The following ZSWIM4 variants were observed in gnomAD, a reference collection of about 807,000 sequenced individuals.
ZSWIM4 encodes the protein zinc finger SWIM domain-containing protein 4.
Under a neutral mutation model 102.5 loss-of-function variants are expected in ZSWIM4, and 62 were observed. That is an observed-to-expected ratio of 0.60 (90% confidence interval 0.49 to 0.75). The LOEUF is 0.75. Among genes scored for constraint, ZSWIM4 ranks in the 30% least tolerant of loss-of-function variants. ZSWIM4 has a pLI of 0.00. For synonymous variants in ZSWIM4, 652 were observed against 674.5 expected (o/e 0.97, Z 0.52); for missense variants, 1,280 against 1,529.6 (o/e 0.84, Z 2.72).
chr19:13,812,896 A>G, intron 5 of ZSWIM4, 101 bp from the exon 6 acceptor site: 1 of 1,307,718 alleles, frequency 7.6e-7, no homozygotes, highest in Non-Finnish European at 1.1e-6. Flanking sequence ...GGTCGAGGTG[A>G]GGGGTTAGCA....
At chr19:13,828,175 G>T (rs979688279) in intron 12 of ZSWIM4, among the ~76,000 whole-genome samples, 1 of 152,164 alleles carries the variant, frequency 6.6e-6, no homozygotes, top group South Asian at 2.1e-4. Context: ...TTGAGAGGCT[G>T]AGGCGGGCGG....
rs544576033 is a variant in ZSWIM4 at position 13,817,157 on chromosome 19, C to T, written c.1532-59C>T. ...TGGCAGGTCAAGAAGAGGAATATCC[C>T]TCCCTCCTAGAGACTTGGGCAGGTG... On this transcript the variant is annotated intron_variant, in intron 7 of 13. Transcript: ENST00000590508. 6.8e-5 allele frequency: 105 copies of T among 1,547,040 alleles called. No homozygotes were observed. The African/African-American group carries it at 1.3e-3, about 19-fold the overall frequency.
intron 3 of ZSWIM4, 89 bp from the exon 4 acceptor site, chr19:13,808,747 A>C: frequency 7.6e-7 from 1 of 1,309,122 alleles, no homozygotes; most frequent in African/African-American, 1.5e-5. Context: ...CTCCAAAAAA[A>C]AAAAAAAAAA....
chr19:13,801,973 ATTTTT>A (rs543183681), intron 2 of ZSWIM4, among the ~76,000 whole-genome samples: 11 of 94,198 alleles, frequency 1.2e-4, no homozygotes, highest in East Asian at 3.1e-4. Context: ...CCAGCTTAGA[ATTTTT>A]TTTTTTTTTT....
intron 6 of ZSWIM4, among the ~76,000 whole-genome samples, chr19:13,814,060 CTTT>C (rs869279797): frequency 6.5e-5 from 9 of 138,126 alleles, no homozygotes; most frequent in Non-Finnish European, 4.7e-5. Context: ...TACACGCATC[CTTT>C]TTTTTTTTTT....
At position 13,830,538 on chromosome 19, in the gene ZSWIM4, C is replaced by T. The variant is rs748315938; in HGVS notation, c.2809C>T (p.Arg937Trp). Residue 937 changes from arginine to tryptophan, a missense_variant, in exon 14 of 14, where the codon CGG (arginine) becomes TGG (tryptophan). Coordinates refer to ENST00000590508, the MANE Select transcript of ZSWIM4 (RefSeq NM_001367834.3). The part of the protein sequence containing the change: ...RYMEHRGLPL[R>W]AYKLATLALA... ...TATGGAGCACCGCGGGCTGCCGCTCCGGGCCTACAAGCTGGCGACGCTGGC... is the reference window on the plus strand; with the variant it reads ...TATGGAGCACCGCGGGCTGCCGCTCTGGGCCTACAAGCTGGCGACGCTGGC... The T allele has an allele frequency of 3.8e-6, 6 of 1,599,460 alleles. No individual in the cohort carries two copies. The East Asian group carries it at 8.9e-5, about 24-fold the overall frequency.
Position 13,809,468 on chromosome 19 carries a change from T to C in ZSWIM4, c.1012+248T>C, listed in dbSNP as rs1250749857. On this transcript the variant is annotated intron_variant, in intron 5 of 13. Transcript: ENST00000590508. This position sits in a 1 kb window ranked among gnomAD's most constrained non-coding sequence, Gnocchi z 4.2. ...CAATCAAATGTCATTGGCCCAGGGG[T>C]TGATACACACGTACACACGTTTTCT... Among the ~76,000 whole-genome samples the C allele has an allele frequency of 6.6e-6, 1 of 152,136 alleles. No individual in the cohort carries two copies. Among genetic ancestry groups the C allele is most frequent in the Non-Finnish European group, 1.5e-5 (1 of 68,026 alleles).
At chr19:13,826,410 G>T (rs1170970168) in intron 12 of ZSWIM4, among the ~76,000 whole-genome samples, 1 of 152,080 alleles carries the variant, frequency 6.6e-6, no homozygotes, top group East Asian at 1.9e-4. Context: ...ACCACTGAAG[G>T]GCTGGCCTGG....
chr19:13,804,065 T>C (rs369775850), intron 2 of ZSWIM4, among the ~76,000 whole-genome samples: 2 of 151,018 alleles, frequency 1.3e-5, no homozygotes, highest in East Asian at 4.2e-4. Flanking sequence ...GGTTTCACCA[T>C]GTTGGCCATG....
intron 1 of ZSWIM4, among the ~76,000 whole-genome samples, chr19:13,797,530 C>A (rs1361205898): frequency 6.6e-6 from 1 of 152,186 alleles, no homozygotes; most frequent in Non-Finnish European, 1.5e-5. Flanking sequence ...CAAGGGTGTT[C>A]AATCTTTTAG....
In ZSWIM4 at chr19:13,828,719, A is replaced by G. The variant is rs373509263; in HGVS notation, c.2454A>G (p.Thr818=). 2.2e-5 allele frequency: 36 copies of G among 1,614,162 alleles called. No individual in the cohort carries two copies. The African/African-American group carries it at 2.9e-4, about 13-fold the overall frequency. ...TGCGCTGGCTGGTCAGCTGTGCCAC[A>G]GAGATTGGTGAGAGCCCCTAAGGGG... The part of the protein sequence containing the change: ...EMVRWLVSCA[T]EIGPQALMNI... The change falls in exon 13 of 14, where the codon ACA becomes ACG. Residue 818 remains threonine (T), a synonymous_variant. Coordinates refer to ENST00000590508, the MANE Select transcript of ZSWIM4 (RefSeq NM_001367834.3).
At chr19:13,818,949 C>G (rs957739528) in intron 9 of ZSWIM4, among the ~76,000 whole-genome samples, 4 of 149,120 alleles carry the variant, frequency 2.7e-5, no homozygotes, top group Non-Finnish European at 4.4e-5. Context: ...CTGCACCCTC[C>G]GATCCCGGGT....
chr19:13,804,437 T>C (rs1974856497), intron 2 of ZSWIM4, among the ~76,000 whole-genome samples: 1 of 151,546 alleles, frequency 6.6e-6, no homozygotes, highest in Non-Finnish European at 1.5e-5. Flanking sequence ...ACCATTGCAC[T>C]CCTGCCTGGG....
intron 10 of ZSWIM4, among the ~76,000 whole-genome samples, chr19:13,820,387 C>T (rs1328899751): frequency 6.6e-6 from 1 of 151,878 alleles, no homozygotes; most frequent in Non-Finnish European, 1.5e-5. Flanking sequence ...AGGCGTGCAC[C>T]ACCGCACTGG....
chr19:13,828,847 TC>T, intron 13 of ZSWIM4, 121 bp downstream of exon 13: 1 of 919,888 alleles, frequency 1.1e-6, no homozygotes, highest in Non-Finnish European at 1.7e-6. Flanking sequence ...ACACCTGTAA[TC>T]CCAGCACTTT....
rs927275565 is a variant in ZSWIM4 at position 13,805,094 on chromosome 19, C to T, written c.658C>T (p.Gln220Ter). ...TCACACTGAGGTGCTGCCCACTGCT[C>T]AGCGCTTGGCTGATGAGATCCTCCT... ...AHHTEVLPTAQRLADEILLLG... is the reference protein window; with the variant it reads ...AHHTEVLPTA Residue 220 changes from glutamine (Q) to a stop codon, truncating the protein, a stop_gained, in exon 3 of 14, where the codon CAG (glutamine) becomes TAG (stop). Coordinates refer to ENST00000590508, the MANE Select transcript of ZSWIM4 (RefSeq NM_001367834.3). LOFTEE classifies it high-confidence loss of function. 6.2e-7 allele frequency: 1 copy of T among 1,604,596 alleles called. No homozygotes were observed.
In ZSWIM4 at chr19:13,808,956, G is replaced by A. The variant is rs761573896; in HGVS notation, c.833G>A (p.Ser278Asn). 1 of 1,609,776 alleles carries A rather than the reference G, an allele frequency of 6.2e-7. No individual in the cohort carries two copies. Among genetic ancestry groups the A allele is most frequent in the Non-Finnish European group, 8.5e-7 (1 of 1,178,192 alleles). Residue 278 changes from serine to asparagine, a missense_variant, in exon 4 of 14, where the codon AGC becomes AAC. Coordinates refer to ENST00000590508, the MANE Select transcript of ZSWIM4 (RefSeq NM_001367834.3). ...TCCAATGGCGGCTACTACGGGGCCAGCCAGCAGCTGCGCTCCATGTTCAGC... is the reference window on the plus strand; with the variant it reads ...TCCAATGGCGGCTACTACGGGGCCAACCAGCAGCTGCGCTCCATGTTCAGC... ...LLSNGGYYGA[S>N]QQLRSMFSKV...
At chr19:13,815,839 T>C (rs1418023853) in intron 7 of ZSWIM4, among the ~76,000 whole-genome samples, 1 of 151,380 alleles carries the variant, frequency 6.6e-6, no homozygotes, top group Non-Finnish European at 1.5e-5. Context: ...CTAGGGAGGC[T>C]GCGGCATGAG....
Position 13,830,676 on chromosome 19 carries a change from G to A in ZSWIM4, c.2947G>A (p.Val983Ile). ...GGGCCGGCACGAGCTCTCTGCCATC[G>A]TCCCCCTCATCATTCGCAGCATCCA... ...SLGRHELSAI[V>I]PLIIRSIHCA... The change falls in exon 14 of 14, where the codon GTC (valine) becomes ATC (isoleucine). Residue 983 changes from valine (V) to isoleucine (I), a missense_variant. Val to Ile is a conservative substitution (Grantham distance 29). Coordinates refer to ENST00000590508, the MANE Select transcript of ZSWIM4 (RefSeq NM_001367834.3). 1 of 1,604,700 alleles carries A rather than the reference G, an allele frequency of 6.2e-7. No homozygotes were observed. The highest frequency in any genetic ancestry group is 8.5e-7 in the Non-Finnish European group (1 of 1,179,412).
Sources: allele counts gnomAD v4.1 joint callset (sites outside exome capture counted in the v4.1 genomes callset), GRCh38; gene constraint gnomAD v4.1.1; non-coding constraint Gnocchi (gnomAD v3.1); transcripts MANE v1.5; gene names NCBI Gene and HGNC (gene_info 2026-07-23, HGNC 2026-07-21).